The following DCLK1 variants were observed in gnomAD, a reference collection of about 807,000 sequenced individuals.
DCLK1 encodes serine/threonine-protein kinase DCLK1.
DCLK1 carries 16 observed loss-of-function variants against 86.2 expected under a neutral mutation model. The ratio of observed to expected loss-of-function variants is 0.19; its 90% CI spans 0.13 to 0.28. The LOEUF (loss-of-function observed/expected upper bound fraction) is 0.28. DCLK1 is among the 10% of genes least tolerant of loss of function. The pLI, the probability that DCLK1 is intolerant of heterozygous loss-of-function variation, is 1.00. For missense variants in DCLK1, 590 were observed against 940.2 expected, an observed-to-expected ratio of 0.63 and a Z score of 4.87; for synonymous variants, 369 against 370.5, an observed-to-expected ratio of 1.00 and a Z score of 0.05.
intron 3 of DCLK1, among the ~76,000 whole-genome samples, chr13:36,111,113 C>T (rs7981295): frequency 0.34 from 50,992 of 151,746 alleles, 9,262 homozygotes; most frequent in East Asian, 0.72. Context: ...GGATTACAGG[C>T]GTGAGCCACC....
chr13:35,849,677 C>T, intron 6 of DCLK1: 1 of 984,348 alleles, frequency 1.0e-6, no homozygotes, highest in African/African-American at 1.7e-5. Flanking sequence ...TAATCATAGA[C>T]TTAATTGGTT....
chr13:35,881,017 T>A (rs546051812), intron 4 of DCLK1, among the ~76,000 whole-genome samples: 2 of 152,266 alleles, frequency 1.3e-5, no homozygotes, highest in East Asian at 3.9e-4. Flanking sequence ...CTGATCACCT[T>A]GAGAGACTGA....
At chr13:35,827,840 G>A (rs929759859) in intron 9 of DCLK1, 86 bp from the exon 10 acceptor site, 3 of 1,499,332 alleles carry the variant, frequency 2.0e-6, no homozygotes, top group South Asian at 2.4e-5. Flanking sequence ...CTATGTAAGG[G>A]TCAAGAGAGA....
chr13:35,955,851 G>A (rs971841454), intron 3 of DCLK1, among the ~76,000 whole-genome samples: 1 of 152,158 alleles, frequency 6.6e-6, no homozygotes, highest in African/African-American at 2.4e-5. Flanking sequence ...TACTAGTAAG[G>A]CATAGTAGGT....
chr13:35,860,788 C>T (rs1393312178), intron 5 of DCLK1, among the ~76,000 whole-genome samples: 1 of 152,192 alleles, frequency 6.6e-6, no homozygotes, highest in Non-Finnish European at 1.5e-5. Context: ...GAATCAGCTG[C>T]TGCAGTACTG....
intron 3 of DCLK1, among the ~76,000 whole-genome samples, chr13:36,028,392 G>A (rs1400501225): frequency 1.3e-5 from 2 of 152,170 alleles, no homozygotes; most frequent in Non-Finnish European, 2.9e-5. Flanking sequence ...GGACTTCAAT[G>A]TTCCACGTTT....
intron 16 of DCLK1, among the ~76,000 whole-genome samples, chr13:35,785,327 G>T (rs1361152263): frequency 1.3e-5 from 2 of 152,054 alleles, no homozygotes; most frequent in African/African-American, 4.8e-5. Context: ...TTCCAGGAAG[G>T]GGAAAATATA....
At chr13:36,014,541 G>C (rs1468890666) in intron 3 of DCLK1, among the ~76,000 whole-genome samples, 1 of 152,160 alleles carries the variant, frequency 6.6e-6, no homozygotes, top group East Asian at 1.9e-4. Flanking sequence ...ACAGATGAAA[G>C]CCCAATCCTG....
intron 4 of DCLK1, among the ~76,000 whole-genome samples, chr13:35,912,187 C>T (rs1369854532): frequency 2.6e-5 from 4 of 152,152 alleles, no homozygotes; most frequent in African/African-American, 9.7e-5. Flanking sequence ...AGGGGGCTCT[C>T]AGGCAATGCT....
intron 4 of DCLK1, among the ~76,000 whole-genome samples, chr13:35,940,286 C>A (rs967548408): frequency 1.2e-4 from 16 of 130,676 alleles, no homozygotes; most frequent in Non-Finnish European, 2.0e-4. Flanking sequence ...AGCAAGAGTC[C>A]GTCTCAAAAA....
chr13:35,885,013 C>A (rs952831868), intron 4 of DCLK1, among the ~76,000 whole-genome samples: 1 of 152,042 alleles, frequency 6.6e-6, no homozygotes, highest in African/African-American at 2.4e-5. Flanking sequence ...ACCAGGTCAG[C>A]GAAAACAGGA....
At chr13:35,777,496 C>A in intron 16 of DCLK1, among the ~76,000 whole-genome samples, 1 of 152,190 alleles carries the variant, frequency 6.6e-6, no homozygotes, top group Non-Finnish European at 1.5e-5. Context: ...AGCAGCTCAA[C>A]CCTTCTCTGT....
intron 3 of DCLK1, among the ~76,000 whole-genome samples, chr13:36,045,377 T>TATCTATATA (rs568110221): frequency 1.6e-5 from 2 of 125,074 alleles, no homozygotes; most frequent in African/African-American, 2.9e-5. Flanking sequence ...TATATATATA[T>TATCTATATA]TTCAAGGTAA....
chr13:36,058,542 A>T lies in DCLK1; in HGVS notation c.723+53327T>A, dbSNP rs191555801. Among the ~76,000 whole-genome samples, 505 of 152,304 alleles carry T rather than the reference A, an allele frequency of 3.3e-3. 1 individual carries two copies. Among genetic ancestry groups the T allele is most frequent in the African/African-American group, 0.012 (480 of 41,566 alleles). ...GAAGCAATTCTAGATATAGGCTGAG[A>T]ACAAGGTGAGGATCTTAGAGGTCCA... On this transcript the variant is annotated intron_variant, in intron 3 of 16. Transcript: ENST00000360631.
chr13:36,109,828 G>C (rs1200671884), intron 3 of DCLK1, among the ~76,000 whole-genome samples: 9 of 152,162 alleles, frequency 5.9e-5, no homozygotes, highest in Non-Finnish European at 1.3e-4. Context: ...GTAAACCACA[G>C]TAAACTAGCC....
chr13:35,906,915 G>T (rs1206401703), intron 4 of DCLK1, among the ~76,000 whole-genome samples: 1 of 152,142 alleles, frequency 6.6e-6, no homozygotes, highest in Non-Finnish European at 1.5e-5. Context: ...GAGTCAGGTG[G>T]TAAGCACTCA....
At chr13:35,860,109 G>A (rs1376592629) in intron 5 of DCLK1, among the ~76,000 whole-genome samples, 2 of 152,180 alleles carry the variant, frequency 1.3e-5, no homozygotes, top group Non-Finnish European at 2.9e-5. Context: ...CACTTGTCAA[G>A]ATTTGGGGAG....
intron 3 of DCLK1, among the ~76,000 whole-genome samples, chr13:35,958,005 T>TAACCATCACCACCACCACTATAAC (rs1878114349): frequency 6.6e-4 from 6 of 9,148 alleles, no homozygotes; most frequent in Non-Finnish European, 1.1e-3. Flanking sequence ...ACCACCATTA[T>TAACCATCACCACCACCACTATAAC]CACCATCACC....
chr13:35,964,359 A>G (rs994622614), intron 3 of DCLK1, among the ~76,000 whole-genome samples: 2 of 152,266 alleles, frequency 1.3e-5, no homozygotes, highest in African/African-American at 4.8e-5. Flanking sequence ...TAAGAATTCC[A>G]GGAGCATTTT....
Sources: allele counts gnomAD v4.1 joint callset (sites outside exome capture counted in the v4.1 genomes callset), GRCh38; gene constraint gnomAD v4.1.1; transcripts MANE v1.5; gene names NCBI Gene and HGNC (gene_info 2026-07-23, HGNC 2026-07-21).